The following NCKAP5 variants were observed in gnomAD, a reference collection of about 807,000 sequenced individuals.
The protein encoded by NCKAP5 is nck-associated protein 5.
NCKAP5 carries 92 observed loss-of-function variants against 167.0 expected under a neutral mutation model. The observed-to-expected ratio is 0.55, with a 90% CI of 0.47 to 0.66. The LOEUF (loss-of-function observed/expected upper bound fraction) is 0.66, where lower values mean the gene tolerates loss of function less well. Ranked by LOEUF, NCKAP5 falls within the 30% of genes least tolerant of loss-of-function variation. The pLI, the probability that NCKAP5 is intolerant of heterozygous loss-of-function variation, is 0.00. For missense variants in NCKAP5, 2,378 were observed against 2,315.0 expected (o/e 1.03, Z -0.56); for synonymous variants, 891 against 877.4 (o/e 1.02, Z -0.27).
the NCKAP5 span, among the ~76,000 whole-genome samples, chr2:133,620,181 A>AG: frequency 2.0e-5 from 3 of 151,552 alleles, no homozygotes; most frequent in African/African-American, 7.3e-5. Flanking sequence ...AACACAATGA[A>AG]AAAAAAAGGT....
chr2:132,790,398 C>A (rs1683969363), intron 12 of NCKAP5, among the ~76,000 whole-genome samples, 193 bp from the exon 13 acceptor site: 1 of 152,102 alleles, frequency 6.6e-6, no homozygotes, highest in Non-Finnish European at 1.5e-5. Context: ...AACATCACAG[C>A]TCAGCCCAGC....
Position 132,794,227 on chromosome 2 carries a change from T to C in NCKAP5, c.909+2401A>G, listed in dbSNP as rs1298937422. Among the ~76,000 whole-genome samples the C allele has an allele frequency of 8.6e-3, 147 of 17,136 alleles. 1 individual carries two copies. Among genetic ancestry groups the C allele is most frequent in the South Asian group, 0.016 (4 of 256 alleles). The allele number at this position is 17,136 out of a possible 152,430, so 11.2% of individuals were successfully genotyped here. On this transcript the variant is annotated intron_variant, in intron 12 of 19. Transcript: ENST00000409261. Reference sequence around the variant, plus strand: ...CTATTATTAAAAATGTTTATACATATATATATATATATATATATATATATA... The same window carrying C: ...CTATTATTAAAAATGTTTATACATACATATATATATATATATATATATATA...
At chr2:133,663,002 C>G in the NCKAP5 span, among the ~76,000 whole-genome samples, 1 of 151,944 alleles carries the variant, frequency 6.6e-6, no homozygotes, top group Non-Finnish European at 1.5e-5. Flanking sequence ...CGCGGTGGCT[C>G]ACGCCTGTAA....
intron 5 of NCKAP5, among the ~76,000 whole-genome samples, chr2:133,202,267 C>G (rs529546808): frequency 4.5e-4 from 69 of 152,060 alleles, no homozygotes; most frequent in African/African-American, 9.4e-4. Context: ...ACAAACCTGA[C>G]AAAAAGAAGA....
the NCKAP5 span, among the ~76,000 whole-genome samples, chr2:133,639,613 C>T: frequency 6.6e-6 from 1 of 152,086 alleles, no homozygotes; most frequent in African/African-American, 2.4e-5. Context: ...CTACCAGGCT[C>T]TTCTGTTTGG....
At chr2:133,503,108 A>G (rs999819613) in intron 3 of NCKAP5, among the ~76,000 whole-genome samples, 2 of 152,222 alleles carry the variant, frequency 1.3e-5, no homozygotes, top group Non-Finnish European at 2.9e-5. Context: ...CACAGCACTT[A>G]CTGGAATAGA....
intron 5 of NCKAP5, among the ~76,000 whole-genome samples, chr2:133,169,414 C>G (rs2084141865): frequency 6.6e-6 from 1 of 152,160 alleles, no homozygotes; most frequent in Non-Finnish European, 1.5e-5. Flanking sequence ...GACAGCTCAC[C>G]CAGGGGATGG....
At chr2:133,149,251 T>C (rs2083302089) in intron 5 of NCKAP5, among the ~76,000 whole-genome samples, 1 of 152,212 alleles carries the variant, frequency 6.6e-6, no homozygotes, top group Non-Finnish European at 1.5e-5. Flanking sequence ...ATGTCATTTG[T>C]CATCCATTTT....
At chr2:132,693,786 C>T (rs138124741) in intron 19 of NCKAP5, among the ~76,000 whole-genome samples, 4,547 of 151,830 alleles carry the variant, frequency 0.03, 226 homozygotes, top group African/African-American at 0.1. Context: ...CCACCATGCC[C>T]GGCTAATTTT....
At chr2:132,977,514 C>T (rs1228671244) in intron 7 of NCKAP5, among the ~76,000 whole-genome samples, 1 of 152,038 alleles carries the variant, frequency 6.6e-6, no homozygotes, top group African/African-American at 2.4e-5. Context: ...CCTAAGACAC[C>T]CTGGGAATTT....
At chr2:132,675,304 T>A (rs13386584) in intron 19 of NCKAP5, among the ~76,000 whole-genome samples, 6,368 of 152,286 alleles carry the variant, frequency 0.042, 414 homozygotes, top group African/African-American at 0.14. Flanking sequence ...GCTACAAGCA[T>A]CCTTCTTCAG....
intron 3 of NCKAP5, among the ~76,000 whole-genome samples, chr2:133,515,084 T>TGAA (rs1234839199): frequency 2.0e-5 from 3 of 152,174 alleles, no homozygotes; most frequent in Non-Finnish European, 4.4e-5. Context: ...AGCATAAAGC[T>TGAA]GAAGAAGAGG....
intron 3 of NCKAP5, among the ~76,000 whole-genome samples, chr2:133,407,170 A>G (rs1219455152): frequency 6.6e-6 from 1 of 152,174 alleles, no homozygotes; most frequent in African/African-American, 2.4e-5. Context: ...GGCTCCAGGA[A>G]TTTCGTCTTA....
intron 6 of NCKAP5, among the ~76,000 whole-genome samples, chr2:133,074,877 T>C (rs759289102): frequency 4.6e-5 from 7 of 152,018 alleles, no homozygotes; most frequent in Non-Finnish European, 8.8e-5. Context: ...CCCATGTCAC[T>C]GAAGTCACAG....
chr2:133,436,544 C>A (rs1210072004), intron 3 of NCKAP5, among the ~76,000 whole-genome samples: 1 of 152,160 alleles, frequency 6.6e-6, no homozygotes, highest in Non-Finnish European at 1.5e-5. Context: ...CATTCCCTGG[C>A]CTTTCTAGTC....
rs1012110191 is a variant in NCKAP5, at chr2:132,939,009, T to C, written c.579+24711A>G. On this transcript the variant is annotated intron_variant, in intron 8 of 19. Coordinates refer to ENST00000409261, the MANE Select transcript of NCKAP5 (RefSeq NM_207363.3). ...GGAGGAGAGGAATTACTTATGCGTGTATATTCATGTTTAGTTTTTACTTTT... is the reference window on the plus strand; with the variant it reads ...GGAGGAGAGGAATTACTTATGCGTGCATATTCATGTTTAGTTTTTACTTTT... 5.9e-5 allele frequency among the ~76,000 whole-genome samples: 9 copies of C among 152,348 alleles called. No homozygotes were observed. The East Asian group carries it at 1.7e-3, about 29-fold the overall frequency.
At position 133,271,086 on chromosome 2, in the gene NCKAP5, ATTT is replaced by A. The variant is rs67497565; in HGVS notation, c.143+31948_143+31950del. On this transcript the variant is annotated intron_variant, in intron 4 of 19. Transcript: ENST00000409261. ...AGTGGCCCGCCACCAGGCCCGGCTA[ATTT>A]TTTTTTTTTTTTTTTCCTATTTTTA... 4.1e-3 allele frequency among the ~76,000 whole-genome samples: 539 copies of A among 130,816 alleles called. 7 individuals are homozygous for A. Among genetic ancestry groups the A allele is most frequent in the African/African-American group, 0.014 (492 of 35,500 alleles). The allele number at this position is 130,816 out of a possible 152,430, so 85.8% of individuals were successfully genotyped here. A position where few individuals can be genotyped will look rare whatever the true frequency, so the allele number is the denominator to read the frequency against.
chr2:133,508,880 G>A (rs375000853), intron 3 of NCKAP5, among the ~76,000 whole-genome samples: 1 of 152,210 alleles, frequency 6.6e-6, no homozygotes, highest in East Asian at 1.9e-4. Context: ...TTCTGCTATA[G>A]AAGCAGTCTC....
intron 6 of NCKAP5, among the ~76,000 whole-genome samples, chr2:133,022,177 A>G (rs1395105567): frequency 6.6e-6 from 1 of 152,186 alleles, no homozygotes; most frequent in East Asian, 1.9e-4. Flanking sequence ...GTAGGAGACT[A>G]GGATATACTA....
Sources: gnomAD v4.1 joint callset for allele counts (sites outside exome capture counted in the v4.1 genomes callset) on GRCh38, gnomAD v4.1.1 for gene constraint, MANE v1.5 for transcripts, NCBI Gene and HGNC (gene_info 2026-07-23, HGNC 2026-07-21) for gene names.